The following SPAG16 variants were observed in gnomAD, a reference collection of about 807,000 sequenced individuals.
SPAG16 encodes sperm associated antigen 16, also known as sperm-associated antigen 16 protein.
SPAG16 carries 86 observed loss-of-function variants against 80.4 expected under a neutral mutation model. The ratio of observed to expected loss-of-function variants is 1.07; its 90% CI spans 0.90 to 1.28. The LOEUF is 1.28. SPAG16 is among the 50% of genes most tolerant of loss of function. SPAG16 has a pLI of 0.00. For missense variants in SPAG16, 870 were observed against 765.3 expected (o/e 1.14, Z -1.61); for synonymous variants, 294 against 265.9 (o/e 1.11, Z -1.03).
intron 10 of SPAG16, among the ~76,000 whole-genome samples, chr2:213,681,940 C>G (rs145094456): frequency 6.6e-6 from 1 of 152,264 alleles, no homozygotes; most frequent in East Asian, 1.9e-4. Flanking sequence ...AATATAAAGA[C>G]ATTACCCAGA....
chr2:213,903,164 G>A (rs2077289010), intron 11 of SPAG16, among the ~76,000 whole-genome samples: 1 of 152,098 alleles, frequency 6.6e-6, no homozygotes, highest in African/African-American at 2.4e-5. Context: ...TACCATGCTG[G>A]GGTCTGGAGG....
intron 15 of SPAG16, among the ~76,000 whole-genome samples, chr2:214,355,404 C>CA (rs1698714031): frequency 7.0e-6 from 1 of 143,186 alleles, no homozygotes; most frequent in Non-Finnish European, 1.5e-5. Flanking sequence ...TTTATGCAGC[C>CA]AAAAAACACA....
Position 213,930,065 on chromosome 2 carries a change from G to A in SPAG16, c.1320G>A (p.Trp440Ter). Reference protein sequence around the residue: ...LTFEGHSRAVWSCTWHSCGNF... With the variant: ...LTFEGHSRAV ...TTGAAGGACACAGCCGCGCAGTGTG[G>A]TCCTGCACATGGCACTCCTGCGGCA... The change falls in exon 12 of 16, where the codon TGG becomes TGA. Residue 440 changes from tryptophan (W) to a stop codon, truncating the protein, a stop_gained. Transcript: ENST00000331683. LOFTEE classifies it high-confidence loss of function. The A allele has an allele frequency of 6.2e-7, 1 of 1,614,120 alleles. No homozygotes were observed. The highest frequency in any genetic ancestry group is 8.5e-7 in the Non-Finnish European group (1 of 1,179,988).
chr2:214,107,252 C>T (rs144177672), intron 13 of SPAG16, among the ~76,000 whole-genome samples: 68 of 152,180 alleles, frequency 4.5e-4, no homozygotes, highest in African/African-American at 1.6e-3. Flanking sequence ...ATATAAGGTC[C>T]GTGAGAATAA....
At chr2:213,446,600 C>A (rs1161566358) in intron 9 of SPAG16, among the ~76,000 whole-genome samples, 1 of 152,152 alleles carries the variant, frequency 6.6e-6, no homozygotes, top group Non-Finnish European at 1.5e-5. Context: ...CTTATACTTT[C>A]TGTCTCACCA....
chr2:213,507,774 C>A (rs981277254), intron 10 of SPAG16, among the ~76,000 whole-genome samples: 1 of 152,194 alleles, frequency 6.6e-6, no homozygotes, highest in African/African-American at 2.4e-5. Context: ...CACTGAATCT[C>A]TGCTGCCATC....
intron 12 of SPAG16, among the ~76,000 whole-genome samples, chr2:214,000,306 A>G (rs1414817465): frequency 1.3e-5 from 2 of 152,126 alleles, no homozygotes; most frequent in Non-Finnish European, 2.9e-5. Flanking sequence ...CGGTTTTATC[A>G]GGGGTTTCCG....
In SPAG16 at chr2:214,409,726, A is replaced by T. The variant is rs189782682; in HGVS notation, c.1721-414A>T. Reference sequence around the variant, plus strand: ...ATTATAAATAAGTTTAAAGAAGAATACAAATGTTTTCCATAAATTTTGAAA... The same window carrying T: ...ATTATAAATAAGTTTAAAGAAGAATTCAAATGTTTTCCATAAATTTTGAAA... On this transcript the variant is annotated intron_variant, in intron 15 of 15. Coordinates refer to ENST00000331683, the MANE Select transcript of SPAG16 (RefSeq NM_024532.5). Among the ~76,000 whole-genome samples, 414 of 152,324 alleles carry T rather than the reference A, an allele frequency of 2.7e-3. 2 individuals carry two copies. Among genetic ancestry groups the T allele is most frequent in the African/African-American group, 9.3e-3 (386 of 41,574 alleles).
chr2:213,322,101 A>C (rs952771591), intron 5 of SPAG16, among the ~76,000 whole-genome samples: 1 of 150,290 alleles, frequency 6.7e-6, no homozygotes, highest in Non-Finnish European at 1.5e-5. Flanking sequence ...TAAATAAAAA[A>C]AAGTAAAAAA....
At chr2:213,348,602 G>C (rs2125028925) in intron 6 of SPAG16, among the ~76,000 whole-genome samples, 1 of 152,226 alleles carries the variant, frequency 6.6e-6, no homozygotes, top group South Asian at 2.1e-4. Context: ...GCATTTGCTT[G>C]TCTGTAAAGG....
intron 10 of SPAG16, among the ~76,000 whole-genome samples, chr2:213,641,390 C>A (rs955527890): frequency 1.3e-5 from 2 of 152,176 alleles, no homozygotes; most frequent in Non-Finnish European, 2.9e-5. Context: ...TAGGCTTTGC[C>A]CTTCCCTGTC....
chr2:213,431,905 C>G (rs529063298), intron 9 of SPAG16, among the ~76,000 whole-genome samples: 65 of 152,114 alleles, frequency 4.3e-4, no homozygotes, highest in African/African-American at 1.5e-3. Context: ...AGTGTCTTCT[C>G]TAACTATAGT....
At chr2:213,502,204 C>T (rs897386858) in intron 10 of SPAG16, among the ~76,000 whole-genome samples, 3 of 152,158 alleles carry the variant, frequency 2.0e-5, no homozygotes, top group African/African-American at 7.2e-5. Context: ...GGGCTCAGTG[C>T]AGCCTGGACC....
intron 13 of SPAG16, among the ~76,000 whole-genome samples, chr2:214,040,366 A>G (rs1327400785): frequency 6.6e-6 from 1 of 152,102 alleles, no homozygotes; most frequent in Non-Finnish European, 1.5e-5. Flanking sequence ...CTTGTGTCAT[A>G]GGGGTTTGTT....
At chr2:214,045,258 C>A (rs556965040) in intron 13 of SPAG16, among the ~76,000 whole-genome samples, 1 of 152,158 alleles carries the variant, frequency 6.6e-6, no homozygotes, top group Non-Finnish European at 1.5e-5. Context: ...CAGGCCCTAG[C>A]TCCTGGATGA....
At chr2:213,352,483 C>G (rs1040460318) in intron 7 of SPAG16, among the ~76,000 whole-genome samples, 2 of 152,108 alleles carry the variant, frequency 1.3e-5, no homozygotes, top group African/African-American at 4.8e-5. Context: ...CTCTTTAGTC[C>G]TCCTGGTCTC....
chr2:213,565,082 G>C (rs779172863), intron 10 of SPAG16, among the ~76,000 whole-genome samples: 3 of 152,154 alleles, frequency 2.0e-5, no homozygotes, highest in Non-Finnish European at 4.4e-5. Context: ...CAAATAAGAT[G>C]TGTCAGTGTT....
chr2:213,842,506 G>T (rs779091547), intron 10 of SPAG16, among the ~76,000 whole-genome samples: 22 of 151,954 alleles, frequency 1.4e-4, no homozygotes, highest in Non-Finnish European at 2.5e-4. Flanking sequence ...AGTTTACTAA[G>T]AAGTGAATTT....
At chr2:213,384,143 A>T (rs562451902) in intron 9 of SPAG16, among the ~76,000 whole-genome samples, 1 of 152,288 alleles carries the variant, frequency 6.6e-6, no homozygotes, top group East Asian at 1.9e-4. Context: ...TGGAAATATG[A>T]TGAGAACATC....
Sources: gnomAD v4.1 joint callset for allele counts (sites outside exome capture counted in the v4.1 genomes callset) on GRCh38, gnomAD v4.1.1 for gene constraint, MANE v1.5 for transcripts, NCBI Gene and HGNC (gene_info 2026-07-23, HGNC 2026-07-21) for gene names.